The following STAT6 variants were observed in gnomAD, a reference collection of about 807,000 sequenced individuals.
The protein encoded by STAT6 is STAT, interleukin4-induced.
STAT6 carries 45 observed loss-of-function variants against 106.3 expected under a neutral mutation model. The ratio of observed to expected loss-of-function variants is 0.42; its 90% confidence interval spans 0.33 to 0.54. The LOEUF (loss-of-function observed/expected upper bound fraction) is 0.54, where lower values mean the gene tolerates loss of function less well. Ranked by LOEUF, STAT6 falls within the 20% of genes least tolerant of loss-of-function variation. STAT6 has a pLI of 0.06. For missense variants in STAT6, 797 were observed against 1,062.2 expected (o/e 0.75, Z 3.47); for synonymous variants, 413 against 413.6 (o/e 1.00, Z 0.02).
At chr12:57,104,246 GA>G (rs1287956234) in intron 11 of STAT6, 1 of 608,432 alleles carries the variant, frequency 1.6e-6, no homozygotes, top group Non-Finnish European at 2.9e-6. Flanking sequence ...TGGTCTATAG[GA>G]AGTGCTTCCG....
At chr12:57,104,955 T>C in intron 9 of STAT6, 142 bp from the exon 10 acceptor site, 1 of 1,211,114 alleles carries the variant, frequency 8.3e-7, no homozygotes, top group Admixed American at 2.1e-5. Flanking sequence ...GGAGTCCCCA[T>C]CTTGGCCAAA....
intron 9 of STAT6, 137 bp downstream of exon 9, chr12:57,105,014 C>T (rs2034181350): frequency 7.8e-7 from 1 of 1,281,716 alleles, no homozygotes; most frequent in Non-Finnish European, 1.1e-6. Context: ...CCTCCCTTTC[C>T]TCTGCCTTGA....
chr12:57,098,681 T>C (rs994762240), intron 18 of STAT6, 84 bp from the exon 19 acceptor site: 81 of 1,565,720 alleles, frequency 5.2e-5, no homozygotes, highest in Non-Finnish European at 6.8e-5. Flanking sequence ...GTCCCTCTCA[T>C]GGAAAGGAAG....
Position 57,098,714 on chromosome 12 carries a change from C to T in STAT6, c.2066+78G>A. 1.9e-6 allele frequency: 3 copies of T among 1,543,996 alleles called. No individual in the cohort carries two copies. The South Asian group carries it at 3.4e-5, about 18-fold the overall frequency. Reference sequence around the variant, plus strand: ...AAGATTCCCTGTTCAGCCCCCAGTGCCAGCTCTCCCAGCTGCCCATGCTAA... The same window carrying T: ...AAGATTCCCTGTTCAGCCCCCAGTGTCAGCTCTCCCAGCTGCCCATGCTAA... On this transcript the variant is annotated intron_variant, in intron 18 of 21. Transcript: ENST00000300134.
chr12:57,102,797 C>G, intron 12 of STAT6, 32 bp downstream of exon 12: 2 of 1,576,802 alleles, frequency 1.3e-6, no homozygotes, highest in South Asian at 2.2e-5. Flanking sequence ...CCACCCTGCC[C>G]CTGTTCCCTC....
rs1317282582 is a variant in STAT6 at position 57,107,694 on chromosome 12, G to A, written c.166C>T (p.Leu56=). The change falls in exon 3 of 22, where the codon CTA becomes TTA. Residue 56 remains leucine, a synonymous_variant. Transcript: ENST00000300134. ...AGGTGCTGGACAGTGTCTGAAAGTA[G>A]GGCACTAGCCAAGTTGCAGCAGAAG... ...DAFCCNLASA[L]LSDTVQHLQA... The A allele has an allele frequency of 1.2e-5, 19 of 1,614,128 alleles. No individual in the cohort carries two copies. The highest frequency in any genetic ancestry group is 1.6e-5 in the Non-Finnish European group (19 of 1,180,028).
intron 13 of STAT6, among the ~76,000 whole-genome samples, chr12:57,100,688 GAAAGAA>G (rs1555175013): frequency 1.8e-4 from 11 of 61,842 alleles, no homozygotes; most frequent in African/African-American, 8.1e-4. Flanking sequence ...AAGAAAGAAA[GAAAGAA>G]AGAAAGAGAA....
rs2034366017 is a variant in STAT6 at position 57,107,750 on chromosome 12, G to A, written c.117-7C>T. The A allele has an allele frequency of 6.2e-7, 1 of 1,613,796 alleles. No homozygotes were observed. The highest frequency in any genetic ancestry group is 8.5e-7 in the Non-Finnish European group (1 of 1,180,034). On this transcript the variant is annotated splice_polypyrimidine_tract_variant and splice_region_variant and intron_variant, in intron 2 of 21. Transcript: ENST00000300134. ...GGAGCCGACCAGGAACTCCCTGCAG[G>A]AAGATCAGGATGAGGCTACCTCAGG...
At chr12:57,106,454 T>C in intron 6 of STAT6, 74 bp downstream of exon 6, 9 of 1,608,750 alleles carry the variant, frequency 5.6e-6, no homozygotes, top group Non-Finnish European at 7.6e-6. Context: ...TCAGCCTGTG[T>C]CTTTCTGAGG....
At position 57,106,522 on chromosome 12, in the gene STAT6, ACT is replaced by A; in HGVS notation, c.531+4_531+5del. 1 of 1,613,764 alleles carries A rather than the reference ACT, an allele frequency of 6.2e-7. No homozygotes were observed. Among genetic ancestry groups the A allele is most frequent in the Non-Finnish European group, 8.5e-7 (1 of 1,179,934 alleles). On this transcript the variant is annotated splice_donor_5th_base_variant and intron_variant, in intron 6 of 21. Coordinates refer to ENST00000300134, the MANE Select transcript of STAT6 (RefSeq NM_003153.5). ...CAAGGTCTCCACCTGTCAGCCCATT[ACT>A]CACCTCACTTGGCCCAGTCCCATTA...
At chr12:57,102,799 T>G (rs1368874112) in intron 12 of STAT6, 30 bp downstream of exon 12, 1 of 1,580,912 alleles carries the variant, frequency 6.3e-7, no homozygotes, top group African/African-American at 1.3e-5. Flanking sequence ...ACCCTGCCCC[T>G]GTTCCCTCCA....
intron 13 of STAT6, chr12:57,100,716 A>AAGAAAGAAAGAAAGAAAGAAAG (rs2033854255): frequency 1.5e-5 from 1 of 67,974 alleles, no homozygotes; most frequent in African/African-American, 6.1e-5. Context: ...GAAAGAAAGA[A>AAGAAAGAAAGAAAGAAAGAAAG]AGAAAGAAAG....
chr12:57,102,701 G>A lies in STAT6; in HGVS notation c.1305+128C>T, dbSNP rs941250793. On this transcript the variant is annotated intron_variant, in intron 12 of 21. Coordinates refer to ENST00000300134, the MANE Select transcript of STAT6 (RefSeq NM_003153.5). ...AAAAGAGGTCAGAAGCACGAAAGCA[G>A]GCCCATGAGAAAGTGTTAAGGTCAC... 5.4e-6 allele frequency: 5 copies of A among 930,804 alleles called. No individual in the cohort carries two copies. In the Admixed American group the frequency reaches 6.7e-5, roughly 12 times the overall value. The allele number at this position is 930,804 out of a possible 1,614,324, so 57.7% of individuals were successfully genotyped here. A position where few individuals can be genotyped will look rare whatever the true frequency, so the allele number is the denominator to read the frequency against.
At chr12:57,106,367 G>A (rs766113639) in intron 6 of STAT6, 28 bp from the exon 7 acceptor site, 16 of 1,613,416 alleles carry the variant, frequency 9.9e-6, no homozygotes, top group Non-Finnish European at 1.1e-5. Flanking sequence ...CCTGAGCCAG[G>A]GCCTCACGCT....
chr12:57,100,309 A>G (rs966190754), intron 13 of STAT6, among the ~76,000 whole-genome samples: 2 of 152,222 alleles, frequency 1.3e-5, no homozygotes, highest in Non-Finnish European at 2.9e-5. Flanking sequence ...TTACCAGGCT[A>G]TGGAAGTAGG....
At chr12:57,108,025 C>T (rs12721588) in intron 2 of STAT6, 138 bp downstream of exon 2, 446 of 677,202 alleles carry the variant, frequency 6.6e-4, no homozygotes, top group Non-Finnish European at 9.8e-4. Flanking sequence ...GCACAGACTC[C>T]CTGCTAAATC....
In STAT6 at chr12:57,098,751, C is replaced by G. The variant is rs372077113; in HGVS notation, c.2066+41G>C. 430 of 1,598,024 alleles carry G rather than the reference C, an allele frequency of 2.7e-4. 3 individuals are homozygous for G. The South Asian group carries it at 4.3e-3, about 16-fold the overall frequency. ...GCTGCCCATGCTAAGATTAGCCCATCTGCACAGACCACTCCCATTCCTGTC... is the reference window on the plus strand; with the variant it reads ...GCTGCCCATGCTAAGATTAGCCCATGTGCACAGACCACTCCCATTCCTGTC... On this transcript the variant is annotated intron_variant, in intron 18 of 21. Coordinates refer to ENST00000300134, the MANE Select transcript of STAT6 (RefSeq NM_003153.5).
At chr12:57,100,782 T>C (rs1299988126) in intron 13 of STAT6, 3 of 393,180 alleles carry the variant, frequency 7.6e-6, no homozygotes, top group Admixed American at 3.4e-5. Flanking sequence ...AATAACATAA[T>C]ATAACATAAA....
At chr12:57,105,851 C>G (rs1349532263) in intron 7 of STAT6, 8 of 678,640 alleles carry the variant, frequency 1.2e-5, no homozygotes, top group African/African-American at 1.8e-5. Flanking sequence ...GGCTCTTGCA[C>G]CCAGGACAAC....
Sources: gnomAD v4.1 joint callset for allele counts (sites outside exome capture counted in the v4.1 genomes callset) on GRCh38, gnomAD v4.1.1 for gene constraint, MANE v1.5 for transcripts, NCBI Gene and HGNC (gene_info 2026-07-23, HGNC 2026-07-21) for gene names.